The following SHLD1 variants were observed in gnomAD, a reference collection of about 807,000 sequenced individuals.
SHLD1 encodes the protein RINN1-REV7-interacting novel NHEJ regulator 3.
Under a neutral mutation model 5.5 loss-of-function variants are expected in SHLD1, and 3 were observed. The ratio of observed to expected loss-of-function variants is 0.54; its 90% CI spans 0.25 to 1.40. The LOEUF (loss-of-function observed/expected upper bound fraction) is 1.40, where lower values mean the gene tolerates loss of function less well. SHLD1 is among the 40% of genes most tolerant of loss of function. The probability of loss-of-function intolerance (pLI) is 0.15; values close to 1 mark genes in which losing one functional copy is unlikely to be tolerated. For missense variants in SHLD1, 210 were observed against 244.4 expected, an observed-to-expected ratio of 0.86 and a Z score of 0.94; for synonymous variants, 92 against 94.3, an observed-to-expected ratio of 0.98 and a Z score of 0.14.
chr20:5,863,360 T>C lies in SHLD1; in HGVS notation c.515T>C (p.Leu172Pro), dbSNP rs754918491. 6.2e-7 allele frequency: 1 copy of C among 1,614,170 alleles called. No individual in the cohort carries two copies. The highest frequency in any genetic ancestry group is 8.5e-7 in the Non-Finnish European group (1 of 1,180,014). The change falls in exon 3 of 3, where the codon CTG (leucine) becomes CCG (proline). Residue 172 changes from leucine to proline, a missense_variant. Transcript: ENST00000303142. ...TCCAGGGACACCCACTTCTACCCAC[T>C]GGAGGAAGGAAGTACATCTTTGGAT... ...RHSRDTHFYPLEEGSTSLDDE... is the reference protein window; with the variant it reads ...RHSRDTHFYPPEEGSTSLDDE...
At chr20:5,823,435 G>A (rs1413892529) in intron 2 of SHLD1, among the ~76,000 whole-genome samples, 1 of 124,256 alleles carries the variant, frequency 8.0e-6, no homozygotes, top group Non-Finnish European at 1.8e-5. Flanking sequence ...GCATAGACTT[G>A]TTTTTTGTTG....
At chr20:5,808,845 A>G (rs1047942674) in intron 2 of SHLD1, among the ~76,000 whole-genome samples, 7 of 152,208 alleles carry the variant, frequency 4.6e-5, no homozygotes, top group African/African-American at 1.4e-4. Context: ...GATCGCCTTT[A>G]TTTGCACAAG....
rs1358563803 is a variant in SHLD1, at chr20:5,830,810, A to T, written c.179-32214A>T. On this transcript the variant is annotated intron_variant, in intron 2 of 2. Transcript: ENST00000303142. ...TGGTGCTGTTCTGTTTCTTGATCTCAGTGCTGATTATACTGGGTATATTCA... is the reference window on the plus strand; with the variant it reads ...TGGTGCTGTTCTGTTTCTTGATCTCTGTGCTGATTATACTGGGTATATTCA... 3.3e-5 allele frequency among the ~76,000 whole-genome samples: 5 copies of T among 152,156 alleles called. 1 individual carries two copies. The highest frequency in any genetic ancestry group is 1.9e-4 in the East Asian group (1 of 5,194).
At chr20:5,767,894 A>G (rs1327709320) in intron 1 of SHLD1, among the ~76,000 whole-genome samples, 2 of 152,172 alleles carry the variant, frequency 1.3e-5, no homozygotes, top group African/African-American at 4.8e-5. Flanking sequence ...AGAGCTGGCT[A>G]CAGGAGGAGA....
At chr20:5,850,940 A>G (rs1444631292) in intron 2 of SHLD1, among the ~76,000 whole-genome samples, 2 of 152,194 alleles carry the variant, frequency 1.3e-5, no homozygotes, top group Non-Finnish European at 2.9e-5. Context: ...AAAGGGAGGG[A>G]CAAGTGGGCC....
At chr20:5,849,125 A>G (rs1313443328) in intron 2 of SHLD1, among the ~76,000 whole-genome samples, 1 of 152,234 alleles carries the variant, frequency 6.6e-6, no homozygotes, top group East Asian at 1.9e-4. Context: ...GCTATTAGGA[A>G]AAAGGAAGCT....
At chr20:5,758,032 A>C (rs1213363646) in intron 1 of SHLD1, among the ~76,000 whole-genome samples, 1 of 152,122 alleles carries the variant, frequency 6.6e-6, no homozygotes, top group East Asian at 1.9e-4. Flanking sequence ...TGATGCAGGT[A>C]AATACCCTGA....
chr20:5,791,039 T>G (rs1315331363), intron 2 of SHLD1, among the ~76,000 whole-genome samples: 1 of 151,932 alleles, frequency 6.6e-6, no homozygotes, highest in Non-Finnish European at 1.5e-5. Context: ...GGCACGCACT[T>G]TTAGTCCTAG....
chr20:5,823,355 T>A (rs980912159), intron 2 of SHLD1, among the ~76,000 whole-genome samples: 2 of 152,148 alleles, frequency 1.3e-5, no homozygotes, highest in Admixed American at 6.5e-5. Context: ...CAGATTGGTC[T>A]CAAACTCCTG....
At chr20:5,759,183 G>C (rs147203022) in intron 1 of SHLD1, among the ~76,000 whole-genome samples, 5,821 of 151,764 alleles carry the variant, frequency 0.038, 348 homozygotes, top group African/African-American at 0.13. Context: ...TCAAACTCCT[G>C]ACCTCGTGAT....
At chr20:5,765,404 C>G (rs1050702583) in intron 1 of SHLD1, among the ~76,000 whole-genome samples, 1 of 152,002 alleles carries the variant, frequency 6.6e-6, no homozygotes. Flanking sequence ...CGTCACCACA[C>G]CCGGCTAATT....
intron 2 of SHLD1, among the ~76,000 whole-genome samples, chr20:5,849,024 T>C (rs1164528268): frequency 1.3e-5 from 2 of 152,338 alleles, no homozygotes; most frequent in African/African-American, 4.8e-5. Flanking sequence ...TATCTTGATA[T>C]CCACACACTC....
chr20:5,850,835 C>T (rs753566213), intron 2 of SHLD1, among the ~76,000 whole-genome samples: 9 of 152,172 alleles, frequency 5.9e-5, no homozygotes, highest in Admixed American at 3.3e-4. Flanking sequence ...ACTTCTCATC[C>T]GGCTTTACTC....
chr20:5,762,712 C>T (rs921043146), intron 1 of SHLD1, among the ~76,000 whole-genome samples: 6 of 151,986 alleles, frequency 3.9e-5, no homozygotes, highest in Non-Finnish European at 7.4e-5. Flanking sequence ...TGGTGGCTCA[C>T]GTCTGTAATC....
rs147559916 is a variant in SHLD1 at position 5,795,704 on chromosome 20, G to A, written c.178+22661G>A. On this transcript the variant is annotated intron_variant, in intron 2 of 2. Transcript: ENST00000303142. ...TTACAAAAAATATCATCTATTGGCC[G>A]GGTGTGGTGGCTCATGCCTGTAATC... Among the ~76,000 whole-genome samples the A allele has an allele frequency of 2.5e-3, 385 of 152,030 alleles. 1 individual carries two copies. Among genetic ancestry groups the A allele is most frequent in the South Asian group, 4.2e-3 (20 of 4,810 alleles).
At chr20:5,840,521 A>G (rs950190585) in intron 2 of SHLD1, among the ~76,000 whole-genome samples, 7 of 152,212 alleles carry the variant, frequency 4.6e-5, no homozygotes, top group African/African-American at 1.7e-4. Flanking sequence ...TTCTGGAACT[A>G]GTCGCTGTAG....
chr20:5,789,794 G>A lies in SHLD1; in HGVS notation c.178+16751G>A, dbSNP rs561109817. 2.0e-4 allele frequency among the ~76,000 whole-genome samples: 30 copies of A among 152,108 alleles called. No individual in the cohort carries two copies. In the South Asian group the frequency reaches 5.4e-3, roughly 27 times the overall value. On this transcript the variant is annotated intron_variant, in intron 2 of 2. Transcript: ENST00000303142. ...GGACTGGAGGAACAATATGGTGTCC[G>A]AGTGTCTTCTGTCCTCCTACCCAAC...
intron 2 of SHLD1, among the ~76,000 whole-genome samples, chr20:5,777,802 C>A (rs1025379797): frequency 6.6e-6 from 1 of 151,892 alleles, no homozygotes; most frequent in Non-Finnish European, 1.5e-5. Context: ...AGGATGATAC[C>A]ACTGAGACAA....
At chr20:5,810,137 A>G (rs1023630323) in intron 2 of SHLD1, among the ~76,000 whole-genome samples, 5 of 151,960 alleles carry the variant, frequency 3.3e-5, no homozygotes, top group East Asian at 1.9e-4. Flanking sequence ...CGCGCCTGTA[A>G]TCGCAGCTAC....
Sources: gnomAD v4.1 joint callset for allele counts (sites outside exome capture counted in the v4.1 genomes callset) on GRCh38, gnomAD v4.1.1 for gene constraint, MANE v1.5 for transcripts, NCBI Gene and HGNC (gene_info 2026-07-23, HGNC 2026-07-21) for gene names.